Variants in ADCY2 observed in about 807,000 individuals in gnomAD.
ADCY2 encodes adenylate cyclase type 2.
A neutral mutation model predicts 125.2 loss-of-function variants in ADCY2; 31 were observed. That is an observed-to-expected ratio of 0.25 (90% CI 0.19 to 0.33). The LOEUF is 0.33. Ranked by LOEUF, ADCY2 falls within the 10% of genes least tolerant of loss-of-function variation. ADCY2 has a pLI of 1.00. For missense variants in ADCY2, 904 were observed against 1,418.2 expected (o/e 0.64, Z 5.82); for synonymous variants, 512 against 548.4 (o/e 0.93, Z 0.93).
intron 2 of ADCY2, among the ~76,000 whole-genome samples, chr5:7,510,143 G>A (rs895758251): frequency 2.6e-5 from 4 of 152,126 alleles, no homozygotes; most frequent in South Asian, 2.1e-4. Context: ...GAAATTTAAA[G>A]GAAATATGTA....
intron 7 of ADCY2, among the ~76,000 whole-genome samples, chr5:7,702,969 T>C (rs1468932470): frequency 6.6e-6 from 1 of 152,274 alleles, no homozygotes; most frequent in Admixed American, 6.5e-5. Context: ...TACATTTCTC[T>C]GATGGCCAGT....
At chr5:7,740,943 C>T (rs1053158335) in intron 14 of ADCY2, among the ~76,000 whole-genome samples, 7 of 151,746 alleles carry the variant, frequency 4.6e-5, no homozygotes, top group Middle Eastern at 3.2e-3. Flanking sequence ...AAAGTTGAAT[C>T]GGAAACTAAT....
At position 7,746,987 on chromosome 5, in the gene ADCY2, A is replaced by C. The variant is rs540311813; in HGVS notation, c.1956+3235A>C. Among the ~76,000 whole-genome samples, 377 of 152,326 alleles carry C rather than the reference A, an allele frequency of 2.5e-3. 1 individual carries two copies. The highest frequency in any genetic ancestry group is 8.8e-3 in the African/African-American group (367 of 41,582). ...AAAATAGGCAAAAAAAATGGTGATG[A>C]TGAATTGCAGATTTTTTCCTGTTGA... On this transcript the variant is annotated intron_variant, in intron 15 of 24. Transcript: ENST00000338316.
In ADCY2 at chr5:7,700,719, CCA is replaced by C. The variant is rs56197160; in HGVS notation, c.1109+2382_1109+2383del. On this transcript the variant is annotated intron_variant, in intron 7 of 24. Transcript: ENST00000338316. ...CCCACCCCCCACCCCCTCGCACCCA[CCA>C]CACACACACACACACACACACACAC... Among the ~76,000 whole-genome samples, 312 of 98,326 alleles carry C rather than the reference CCA, an allele frequency of 3.2e-3. 4 individuals are homozygous for C. The highest frequency in any genetic ancestry group is 5.0e-3 in the Middle Eastern group (1 of 202). 64.5% of individuals were successfully genotyped at this position (98,326 alleles called of 152,430 possible). A position where few individuals can be genotyped will look rare whatever the true frequency, so the allele number is the denominator to read the frequency against.
intron 13 of ADCY2, among the ~76,000 whole-genome samples, chr5:7,725,976 A>G (rs949518284): frequency 6.6e-6 from 1 of 152,340 alleles, no homozygotes; most frequent in East Asian, 1.9e-4. Context: ...GTTTTTGTCC[A>G]TCTGTCCTCA....
At chr5:7,448,924 G>A (rs187451575) in intron 2 of ADCY2, among the ~76,000 whole-genome samples, 1 of 152,232 alleles carries the variant, frequency 6.6e-6, no homozygotes, top group Non-Finnish European at 1.5e-5. Context: ...TGTGAATACT[G>A]CTGTAATGGA....
intron 3 of ADCY2, among the ~76,000 whole-genome samples, chr5:7,568,648 C>T (rs1449634837): frequency 6.6e-6 from 1 of 152,118 alleles, no homozygotes; most frequent in East Asian, 1.9e-4. Flanking sequence ...CTGCTGCTAC[C>T]AGAACTGGAA....
At chr5:7,809,029 C>T (rs376083411) in intron 22 of ADCY2, among the ~76,000 whole-genome samples, 2 of 152,198 alleles carry the variant, frequency 1.3e-5, no homozygotes, top group African/African-American at 2.4e-5. Flanking sequence ...ATGGTGATCA[C>T]GCCCTTTGCA....
At chr5:7,720,110 G>A (rs1331545303) in intron 12 of ADCY2, among the ~76,000 whole-genome samples, 1 of 152,104 alleles carries the variant, frequency 6.6e-6, no homozygotes, top group African/African-American at 2.4e-5. Flanking sequence ...GACCACTGGG[G>A]TCAGGAAAAA....
At chr5:7,702,736 C>T (rs1317111749) in intron 7 of ADCY2, among the ~76,000 whole-genome samples, 1 of 152,204 alleles carries the variant, frequency 6.6e-6, no homozygotes, top group Non-Finnish European at 1.5e-5. Flanking sequence ...CCTTTGGGTA[C>T]ATACCCAGTA....
chr5:7,561,551 G>A (rs936921804), intron 3 of ADCY2, among the ~76,000 whole-genome samples: 26 of 135,382 alleles, frequency 1.9e-4, no homozygotes, highest in Middle Eastern at 3.4e-3. Context: ...GTGCATGGCC[G>A]TATAAAATGT....
intron 3 of ADCY2, among the ~76,000 whole-genome samples, chr5:7,622,175 T>C (rs1356941308): frequency 1.3e-5 from 2 of 152,246 alleles, no homozygotes; most frequent in South Asian, 2.1e-4. Context: ...GAAAATAAAA[T>C]GCTTTGATAT....
chr5:7,625,878 T>C (rs1175181815), intron 3 of ADCY2, among the ~76,000 whole-genome samples: 2 of 152,222 alleles, frequency 1.3e-5, no homozygotes, highest in Admixed American at 1.3e-4. Flanking sequence ...TGATTATTTC[T>C]GTCCACATTG....
At chr5:7,651,078 G>A (rs1414304313) in intron 4 of ADCY2, among the ~76,000 whole-genome samples, 1 of 152,122 alleles carries the variant, frequency 6.6e-6, no homozygotes, top group Admixed American at 6.6e-5. Context: ...TGGCAGGTAC[G>A]CATCCCAACC....
intron 4 of ADCY2, among the ~76,000 whole-genome samples, chr5:7,675,522 T>C (rs941363685): frequency 6.6e-6 from 1 of 152,194 alleles, no homozygotes; most frequent in Non-Finnish European, 1.5e-5. Flanking sequence ...GAAGGATGCA[T>C]GTAGGCTTGA....
At chr5:7,543,571 T>C (rs1055191071) in intron 3 of ADCY2, among the ~76,000 whole-genome samples, 3 of 152,144 alleles carry the variant, frequency 2.0e-5, no homozygotes, top group African/African-American at 7.2e-5. Flanking sequence ...GTGAAACCGA[T>C]GAAGGTTTTA....
chr5:7,712,043 G>C (rs1369603728), intron 10 of ADCY2, among the ~76,000 whole-genome samples: 1 of 152,136 alleles, frequency 6.6e-6, no homozygotes, highest in African/African-American at 2.4e-5. Flanking sequence ...CATTGATAGA[G>C]CTCTTGAATA....
chr5:7,780,201 A>C (rs1440606989), intron 18 of ADCY2, among the ~76,000 whole-genome samples: 1 of 152,154 alleles, frequency 6.6e-6, no homozygotes, highest in Non-Finnish European at 1.5e-5. Flanking sequence ...ATGCATCTTA[A>C]CCTCAGATTA....
intron 4 of ADCY2, among the ~76,000 whole-genome samples, chr5:7,641,400 C>T (rs1441823087): frequency 6.6e-6 from 1 of 152,016 alleles, no homozygotes. Flanking sequence ...CAAAGATGAT[C>T]GTGGTATAAG....
Sources: allele counts gnomAD v4.1 joint callset (sites outside exome capture counted in the v4.1 genomes callset), GRCh38; gene constraint gnomAD v4.1.1; transcripts MANE v1.5; gene names NCBI Gene and HGNC (gene_info 2026-07-23, HGNC 2026-07-21).